Variants in DCC observed in about 807,000 individuals in gnomAD.
DCC encodes netrin receptor DCC.
Under a neutral mutation model 172.5 loss-of-function variants are expected in DCC, and 58 were observed. That is an observed-to-expected ratio of 0.34 (90% confidence interval 0.27 to 0.42). The LOEUF (loss-of-function observed/expected upper bound fraction) is 0.42. DCC is among the 10% of genes least tolerant of loss of function. The probability of loss-of-function intolerance (pLI) is 1.00; values close to 1 mark genes in which losing one functional copy is unlikely to be tolerated. For synonymous variants in DCC, 709 were observed against 644.5 expected (o/e 1.10, Z -1.52); for missense variants, 1,740 against 1,791.0 (o/e 0.97, Z 0.51).
chr18:53,302,391 T>C (rs1393711460), intron 12 of DCC, among the ~76,000 whole-genome samples: 2 of 152,210 alleles, frequency 1.3e-5, no homozygotes, highest in Non-Finnish European at 2.9e-5. Context: ...TTTAGACTAT[T>C]CTGACTTCGA....
chr18:53,398,437 T>C (rs2145027240), intron 18 of DCC, among the ~76,000 whole-genome samples: 1 of 152,250 alleles, frequency 6.6e-6, no homozygotes, highest in South Asian at 2.1e-4. Flanking sequence ...TTATCTCTTC[T>C]TCTCAGAATT....
chr18:52,798,841 C>G (rs566394502), intron 2 of DCC, among the ~76,000 whole-genome samples: 28 of 152,058 alleles, frequency 1.8e-4, no homozygotes, highest in African/African-American at 5.8e-4. Context: ...CAACCTCCCC[C>G]TCCCAGGTTC....
chr18:53,331,034 A>C (rs1215945502), intron 14 of DCC, among the ~76,000 whole-genome samples: 1 of 152,146 alleles, frequency 6.6e-6, no homozygotes, highest in African/African-American at 2.4e-5. Context: ...TTCTTCACTG[A>C]TTTTCATCCT....
At chr18:53,475,386 G>A (rs1420547570) in intron 25 of DCC, among the ~76,000 whole-genome samples, 1 of 152,222 alleles carries the variant, frequency 6.6e-6, no homozygotes, top group Non-Finnish European at 1.5e-5. Flanking sequence ...TGGCCCTGGA[G>A]GCCTTGGAGG....
intron 17 of DCC, among the ~76,000 whole-genome samples, chr18:53,395,253 T>A (rs1405355690): frequency 4.6e-5 from 7 of 152,210 alleles, no homozygotes; most frequent in Admixed American, 2.0e-4. Flanking sequence ...TAGGCTTTTT[T>A]AAGATAAGCT....
chr18:52,451,355 T>C (rs547179146), intron 1 of DCC, among the ~76,000 whole-genome samples: 19 of 152,276 alleles, frequency 1.2e-4, no homozygotes, highest in African/African-American at 4.6e-4. Context: ...AACAGATTTA[T>C]GGTAATGGGA....
At position 53,438,797 on chromosome 18, in the gene DCC, A is replaced by G. The variant is rs572283334; in HGVS notation, c.3229+3588A>G. Among the ~76,000 whole-genome samples, 4 of 152,322 alleles carry G rather than the reference A, an allele frequency of 2.6e-5. No homozygotes were observed. The South Asian group carries it at 8.3e-4, about 32-fold the overall frequency. ...AAGAGAAATCCACATCATTGGGTTC[A>G]TTTTTGTTTTACCATTTAAGATTCC... On this transcript the variant is annotated intron_variant, in intron 22 of 28. Coordinates refer to ENST00000442544, the MANE Select transcript of DCC (RefSeq NM_005215.4).
intron 1 of DCC, among the ~76,000 whole-genome samples, chr18:52,622,897 G>A (rs1378834684): frequency 2.0e-5 from 3 of 152,036 alleles, no homozygotes; most frequent in South Asian, 4.2e-4. Flanking sequence ...TCTCACTTTC[G>A]TGCATCTAGC....
At chr18:52,986,739 T>C (rs1053143194) in intron 5 of DCC, among the ~76,000 whole-genome samples, 4 of 151,830 alleles carry the variant, frequency 2.6e-5, no homozygotes, top group Admixed American at 6.6e-5. Flanking sequence ...CACACACACA[T>C]ATATATACAC....
intron 12 of DCC, among the ~76,000 whole-genome samples, chr18:53,235,807 C>G (rs1420108279): frequency 2.0e-5 from 3 of 152,088 alleles, no homozygotes; most frequent in Non-Finnish European, 4.4e-5. Flanking sequence ...AACTGGTAAC[C>G]ACTATTCTAC....
intron 12 of DCC, among the ~76,000 whole-genome samples, chr18:53,284,041 A>AT (rs1356532049): frequency 6.6e-6 from 1 of 152,118 alleles, no homozygotes; most frequent in African/African-American, 2.4e-5. Flanking sequence ...ATAAATTATT[A>AT]TTTTTCAAGA....
At chr18:52,878,535 A>G (rs1436448203) in intron 2 of DCC, among the ~76,000 whole-genome samples, 1 of 152,142 alleles carries the variant, frequency 6.6e-6, no homozygotes, top group African/African-American at 2.4e-5. Context: ...AGAATGTTTT[A>G]ACCCCGTAGC....
At chr18:52,947,575 C>T (rs1462643219) in intron 5 of DCC, among the ~76,000 whole-genome samples, 2 of 152,208 alleles carry the variant, frequency 1.3e-5, no homozygotes, top group African/African-American at 4.8e-5. Context: ...ACACGTATCC[C>T]ACTGCCTCTT....
intron 1 of DCC, among the ~76,000 whole-genome samples, chr18:52,700,113 G>GCTCT (rs36154674): frequency 0.26 from 38,802 of 150,948 alleles, 5,594 homozygotes; most frequent in South Asian, 0.42. Context: ...GAAAATCTCT[G>GCTCT]CTCTCTCGTT....
chr18:53,512,578 A>G (rs964178244), intron 27 of DCC, among the ~76,000 whole-genome samples: 10 of 149,874 alleles, frequency 6.7e-5, no homozygotes, highest in Non-Finnish European at 1.3e-4. Context: ...ATTTAGAAGA[A>G]TGTATAACTA....
chr18:52,716,975 TA>T (rs1303724757), intron 1 of DCC, among the ~76,000 whole-genome samples: 8 of 152,136 alleles, frequency 5.3e-5, no homozygotes, highest in Non-Finnish European at 7.4e-5. Flanking sequence ...TCCAAAATAT[TA>T]TACTACTCCC....
chr18:53,342,287 T>C (rs2057667733), intron 15 of DCC, among the ~76,000 whole-genome samples: 1 of 152,064 alleles, frequency 6.6e-6, no homozygotes, highest in Non-Finnish European at 1.5e-5. Flanking sequence ...TTGCCTGCTA[T>C]AGGCATAGAG....
intron 27 of DCC, among the ~76,000 whole-genome samples, chr18:53,505,714 C>A (rs938850788): frequency 2.6e-5 from 4 of 151,954 alleles, no homozygotes; most frequent in Non-Finnish European, 5.9e-5. Context: ...AACTTTGTAA[C>A]CTAATAGAAG....
At position 53,416,410 on chromosome 18, in the gene DCC, T is replaced by C. The variant is rs1332071053; in HGVS notation, c.3163+254T>C. On this transcript the variant is annotated intron_variant, in intron 21 of 28. Transcript: ENST00000442544. The stretch of plus-strand genomic sequence containing the variant: ...GACCAATTAAAATGTCAAGCTTCTT[T>C]GTATGAAATAAATTTTTAGTCTCTG... 3.1e-5 allele frequency: 20 copies of C among 642,362 alleles called. No homozygotes were observed. The Admixed American group carries it at 4.5e-4, about 15-fold the overall frequency. The allele number at this position is 642,362 out of a possible 1,614,324, so 39.8% of individuals were successfully genotyped here. A position where few individuals can be genotyped will look rare whatever the true frequency, so the allele number is the denominator to read the frequency against.
Sources: gnomAD v4.1 joint callset for allele counts (sites outside exome capture counted in the v4.1 genomes callset) on GRCh38, gnomAD v4.1.1 for gene constraint, MANE v1.5 for transcripts, NCBI Gene and HGNC (gene_info 2026-07-23, HGNC 2026-07-21) for gene names.